Variants in SMAD6 observed in about 807,000 individuals in gnomAD.
SMAD6 encodes MAD homolog 6.
SMAD6 carries 103 observed loss-of-function variants against 39.4 expected under a neutral mutation model. The ratio of observed to expected loss-of-function variants is 2.62; its 90% confidence interval spans 2.23 to 3.08. The LOEUF (loss-of-function observed/expected upper bound fraction) is 3.08. Among genes scored for constraint, SMAD6 ranks in the 30% most tolerant of loss-of-function variants. SMAD6 has a pLI of 0.00. For missense variants in SMAD6, 1,104 were observed against 742.9 expected (o/e 1.49, Z -5.65); for synonymous variants, 445 against 353.3 (o/e 1.26, Z -2.91).
At chr15:66,737,831 G>T (rs1893741468) in intron 3 of SMAD6, among the ~76,000 whole-genome samples, 1 of 152,124 alleles carries the variant, frequency 6.6e-6, no homozygotes, top group South Asian at 2.1e-4. Context: ...ACGCGGAGCT[G>T]AGCCTCCACT....
chr15:66,717,240 G>C (rs1012529158), intron 3 of SMAD6: 46 of 768,470 alleles, frequency 6.0e-5, no homozygotes, highest in Admixed American at 1.9e-4. Flanking sequence ...ATGCTGGCTG[G>C]GACTGACAGC....
intron 3 of SMAD6, among the ~76,000 whole-genome samples, chr15:66,738,963 G>A (rs578234270): frequency 2.0e-5 from 3 of 152,284 alleles, no homozygotes; most frequent in African/African-American, 4.8e-5. Context: ...AATGGGACCC[G>A]GGTGTGGATC....
chr15:66,773,197 C>T (rs1894407937), intron 3 of SMAD6, among the ~76,000 whole-genome samples: 1 of 55,032 alleles, frequency 1.8e-5, no homozygotes, highest in Non-Finnish European at 3.5e-5. Flanking sequence ...GCCAAAGGTG[C>T]TGGAGCTGAG....
At chr15:66,726,957 G>T (rs1313902197) in intron 3 of SMAD6, among the ~76,000 whole-genome samples, 1 of 152,028 alleles carries the variant, frequency 6.6e-6, no homozygotes, top group Non-Finnish European at 1.5e-5. Context: ...GGATCGCAGA[G>T]CCCCCAGACT....
rs958818801 is a variant in SMAD6 at position 66,703,712 on chromosome 15, CCGGCGGG to C, written c.465_471del (p.Gly156ValfsTer23). Reference sequence around the variant, plus strand: ...CCCCCTGGCCGGGGCGGCCCTGGAGCCGGCGGGCGGCGGGCGGAGTCGCGAAGCGCGC... The same window carrying C: ...CCCCCTGGCCGGGGCGGCCCTGGAGCCGGCGGGCGGAGTCGCGAAGCGCGC... On this transcript the variant is annotated frameshift_variant, in exon 1 of 4. Coordinates refer to ENST00000288840, the MANE Select transcript of SMAD6 (RefSeq NM_005585.5). LOFTEE classifies it high-confidence loss of function. 19 of 1,346,942 alleles carry C rather than the reference CCGGCGGG, an allele frequency of 1.4e-5. No homozygotes were observed. The highest frequency in any genetic ancestry group is 1.8e-5 in the South Asian group (1 of 55,060). 83.4% of individuals were successfully genotyped at this position (1,346,942 alleles called of 1,614,324 possible).
At chr15:66,726,487 C>A (rs1186554139) in intron 3 of SMAD6, among the ~76,000 whole-genome samples, 1 of 152,158 alleles carries the variant, frequency 6.6e-6, no homozygotes, top group Non-Finnish European at 1.5e-5. Flanking sequence ...TGCTGTTTGA[C>A]TGAGAGGGAA....
Position 66,702,875 on chromosome 15 carries a change from T to A in SMAD6, c.-384T>A. 5.5e-6 allele frequency: 1 copy of A among 182,556 alleles called. No individual in the cohort carries two copies. The highest frequency in any genetic ancestry group is 1.1e-5 in the Non-Finnish European group (1 of 88,482). The allele number at this position is 182,556 out of a possible 1,614,324, so 11.3% of individuals were successfully genotyped here. A position where few individuals can be genotyped will look rare whatever the true frequency, so the allele number is the denominator to read the frequency against. On this transcript the variant is annotated 5_prime_UTR_variant, in exon 1 of 4. The change creates a new upstream start codon in the 5' untranslated region. Coordinates refer to ENST00000288840, the MANE Select transcript of SMAD6 (RefSeq NM_005585.5). ...ACATTTAGGGGTTCGCGCGAGCGCT[T>A]TGTGCTCATGGACCAGCCGCACAAC...
At chr15:66,715,977 C>T (rs779517001) in intron 2 of SMAD6, among the ~76,000 whole-genome samples, 11 of 151,272 alleles carry the variant, frequency 7.3e-5, no homozygotes, top group South Asian at 6.3e-4. Context: ...CCAGCCCTAG[C>T]GGGAGGGAGG....
At chr15:66,710,563 T>C (rs994676309) in intron 1 of SMAD6, among the ~76,000 whole-genome samples, 3 of 152,024 alleles carry the variant, frequency 2.0e-5, no homozygotes, top group African/African-American at 7.3e-5. Context: ...TATTACCCCT[T>C]GTGTCATTAC....
intron 3 of SMAD6, among the ~76,000 whole-genome samples, chr15:66,724,960 T>C (rs1893496397): frequency 6.6e-6 from 1 of 151,978 alleles, no homozygotes. Flanking sequence ...TTCCAGAAAA[T>C]GTACTTGGTT....
At chr15:66,732,599 T>G (rs960828464) in intron 3 of SMAD6, among the ~76,000 whole-genome samples, 6 of 152,230 alleles carry the variant, frequency 3.9e-5, no homozygotes, top group Non-Finnish European at 7.3e-5. Context: ...TGGCCTCAGA[T>G]GATCCTCCTG....
chr15:66,719,265 C>T (rs922774822), intron 3 of SMAD6, among the ~76,000 whole-genome samples: 3 of 152,230 alleles, frequency 2.0e-5, no homozygotes, highest in African/African-American at 7.2e-5. Flanking sequence ...TCCCTGTTCC[C>T]TTCCCCAAGC....
At chr15:66,744,045 C>T (rs1213231630) in intron 3 of SMAD6, among the ~76,000 whole-genome samples, 1 of 151,954 alleles carries the variant, frequency 6.6e-6, no homozygotes, top group African/African-American at 2.4e-5. Flanking sequence ...AGGATATGTT[C>T]CTAGAAGTGG....
intron 3 of SMAD6, among the ~76,000 whole-genome samples, chr15:66,774,592 G>T (rs1035393946): frequency 3.3e-5 from 5 of 152,138 alleles, no homozygotes; most frequent in African/African-American, 1.2e-4. Context: ...GTGGAGCCCT[G>T]CTGGGGCCGC....
rs769605183 is a variant in SMAD6 at position 66,703,331 on chromosome 15, G to GGCGGCA, written c.79_84dup (p.Ser27_Gly28dup). 4.7e-6 allele frequency: 7 copies of GGCGGCA among 1,485,666 alleles called. No individual in the cohort carries two copies. Among genetic ancestry groups the GGCGGCA allele is most frequent in the African/African-American group, 4.4e-5 (3 of 68,226 alleles). The allele number at this position is 1,485,666 out of a possible 1,614,324, so 92.0% of individuals were successfully genotyped here. A position where few individuals can be genotyped will look rare whatever the true frequency, so the allele number is the denominator to read the frequency against. On this transcript the variant is annotated inframe_insertion, in exon 1 of 4. Coordinates refer to ENST00000288840, the MANE Select transcript of SMAD6 (RefSeq NM_005585.5). ...TCGTGTGGTCCCCGACCGGGAGGAAGGCGGCAGCGGCGGCGGCGGTGGCGG... is the reference window on the plus strand; with the variant it reads ...TCGTGTGGTCCCCGACCGGGAGGAAGGCGGCAGCGGCAGCGGCGGCGGCGGTGGCGG...
intron 3 of SMAD6, among the ~76,000 whole-genome samples, chr15:66,744,945 G>T (rs1317397412): frequency 1.3e-5 from 2 of 152,146 alleles, no homozygotes; most frequent in Admixed American, 6.5e-5. Context: ...TCTGGTTCTT[G>T]CCAAGAATCT....
Position 66,725,054 on chromosome 15 carries a change from G to A in SMAD6, c.952+8556G>A, listed in dbSNP as rs376371343. On this transcript the variant is annotated intron_variant, in intron 3 of 3. Coordinates refer to ENST00000288840, the MANE Select transcript of SMAD6 (RefSeq NM_005585.5). ...CCCCACTGGCATGCTTTCCCTGGGC[G>A]TCTGTAACAATCGGGAACTGCGCTC... Among the ~76,000 whole-genome samples, 35 of 152,318 alleles carry A rather than the reference G, an allele frequency of 2.3e-4. No individual in the cohort carries two copies. The East Asian group carries it at 2.7e-3, about 12-fold the overall frequency.
Position 66,704,018 on chromosome 15 carries a change from G to C in SMAD6, c.760G>C (p.Ala254Pro). ...CGGCTGCCACAGCTTCGCCGCCGCCGCCGACGGCCCTACCGTGTGCTGCAA... is the reference window on the plus strand; with the variant it reads ...CGGCTGCCACAGCTTCGCCGCCGCCCCCGACGGCCCTACCGTGTGCTGCAA... Reference protein sequence around the residue: ...LCGCHSFAAAADGPTVCCNPY... With the variant: ...LCGCHSFAAAPDGPTVCCNPY... Residue 254 changes from alanine to proline, a missense_variant, in exon 1 of 4, where the codon GCC becomes CCC. By Grantham distance (27) the Ala-to-Pro change is conservative. Coordinates refer to ENST00000288840, the MANE Select transcript of SMAD6 (RefSeq NM_005585.5). 1 of 1,503,014 alleles carries C rather than the reference G, an allele frequency of 6.7e-7. No homozygotes were observed. Among genetic ancestry groups the C allele is most frequent in the Non-Finnish European group, 8.8e-7 (1 of 1,134,898 alleles). 93.1% of individuals were successfully genotyped at this position (1,503,014 alleles called of 1,614,324 possible).
chr15:66,779,355 G>GGCAGCAC (rs1894519468), intron 3 of SMAD6, among the ~76,000 whole-genome samples: 1 of 152,240 alleles, frequency 6.6e-6, no homozygotes, highest in Non-Finnish European at 1.5e-5. Flanking sequence ...GAGGCAAAAT[G>GGCAGCAC]ATCCAAGCTG....
Sources: gnomAD v4.1 joint callset for allele counts (sites outside exome capture counted in the v4.1 genomes callset) on GRCh38, gnomAD v4.1.1 for gene constraint, MANE v1.5 for transcripts, NCBI Gene and HGNC (gene_info 2026-07-23, HGNC 2026-07-21) for gene names.